Variants in PRKG1 observed in about 807,000 individuals in gnomAD.
PRKG1 encodes the protein cGMP-dependent protein kinase 1.
A neutral mutation model predicts 88.1 loss-of-function variants in PRKG1; 35 were observed. The observed-to-expected ratio is 0.40, with a 90% CI of 0.30 to 0.53. The LOEUF is 0.53. Among genes scored for constraint, PRKG1 ranks in the 20% least tolerant of loss-of-function variants. The pLI is 0.59. For synonymous variants in PRKG1, 303 were observed against 292.5 expected, an observed-to-expected ratio of 1.04 and a Z score of -0.37; for missense variants, 540 against 839.8, an observed-to-expected ratio of 0.64 and a Z score of 4.41.
intron 3 of PRKG1, among the ~76,000 whole-genome samples, chr10:51,782,000 T>C (rs1392324741): frequency 6.6e-6 from 1 of 151,812 alleles, no homozygotes; most frequent in Non-Finnish European, 1.5e-5. Context: ...TATCGAAATC[T>C]GAAGGGGCAA....
At chr10:51,538,442 GTATTA>G (rs1017972335) in intron 3 of PRKG1, among the ~76,000 whole-genome samples, 3 of 69,994 alleles carry the variant, frequency 4.3e-5, no homozygotes, top group African/African-American at 9.1e-5. Context: ...ATATAATAAT[GTATTA>G]TATATTATAT....
At chr10:52,099,291 A>G (rs1847243091) in intron 7 of PRKG1, among the ~76,000 whole-genome samples, 1 of 152,214 alleles carries the variant, frequency 6.6e-6, no homozygotes, top group Admixed American at 6.5e-5. Context: ...GAACATTTAA[A>G]AAAACGCTTA....
intron 3 of PRKG1, among the ~76,000 whole-genome samples, chr10:51,574,258 AC>A (rs1247853005): frequency 2.0e-5 from 3 of 151,900 alleles, no homozygotes; most frequent in Admixed American, 6.6e-5. Context: ...TTTTTTCATC[AC>A]TGAAAGGAGA....
intron 1 of PRKG1, among the ~76,000 whole-genome samples, chr10:51,103,234 A>C (rs1290731478): frequency 6.6e-6 from 1 of 152,136 alleles, no homozygotes; most frequent in Non-Finnish European, 1.5e-5. Flanking sequence ...ATCCAAGAAA[A>C]CTTCCCAGAA....
At chr10:51,299,790 T>C (rs1441553206) in intron 2 of PRKG1, 4 of 330,356 alleles carry the variant, frequency 1.2e-5, no homozygotes, top group Non-Finnish European at 2.3e-5. Flanking sequence ...TGCTCTGCAA[T>C]AATAGAAATT....
At chr10:51,954,387 G>A (rs1182565393) in intron 5 of PRKG1, among the ~76,000 whole-genome samples, 1 of 151,986 alleles carries the variant, frequency 6.6e-6, no homozygotes, top group Non-Finnish European at 1.5e-5. Context: ...GACCAACATT[G>A]CAAGGATTAT....
intron 2 of PRKG1, among the ~76,000 whole-genome samples, chr10:51,434,253 T>C (rs887882399): frequency 2.0e-5 from 3 of 152,078 alleles, no homozygotes; most frequent in African/African-American, 7.2e-5. Context: ...CTTTAATCTC[T>C]CTGCTGCCCA....
chr10:52,067,851 C>T (rs949861951), intron 7 of PRKG1, among the ~76,000 whole-genome samples: 8 of 152,018 alleles, frequency 5.3e-5, no homozygotes, highest in Non-Finnish European at 1.0e-4. Context: ...AATCACTTCA[C>T]GTTTAGTTCA....
At chr10:51,851,804 T>G (rs1228574315) in intron 4 of PRKG1, among the ~76,000 whole-genome samples, 1 of 152,158 alleles carries the variant, frequency 6.6e-6, no homozygotes, top group Non-Finnish European at 1.5e-5. Flanking sequence ...CACGTACATT[T>G]TGCTACACAG....
rs924789664 is a variant in PRKG1 at position 51,742,429 on chromosome 10, T to C, written c.593-62156T>C. Among the ~76,000 whole-genome samples the C allele has an allele frequency of 7.9e-5, 12 of 152,166 alleles. No individual in the cohort carries two copies. In the East Asian group the frequency reaches 2.3e-3, roughly 29 times the overall value. On this transcript the variant is annotated intron_variant, in intron 3 of 17. Transcript: ENST00000373980. ...GCTTAATAGCCGTGAGATAAGAACA[T>C]GAGTTAAGACACTTGTTGAGAGACT... is the stretch of plus-strand genomic sequence containing the variant.
intron 8 of PRKG1, among the ~76,000 whole-genome samples, chr10:52,155,014 C>A (rs1411562741): frequency 6.6e-6 from 1 of 151,990 alleles, no homozygotes; most frequent in East Asian, 1.9e-4. Context: ...TGTATATATA[C>A]CACATTTTCT....
rs182696645 is a variant in PRKG1 at position 52,125,330 on chromosome 10, A to G, written c.936-8510A>G. Among the ~76,000 whole-genome samples the G allele has an allele frequency of 1.9e-3, 288 of 152,268 alleles. 2 individuals carry two copies. The highest frequency in any genetic ancestry group is 6.7e-3 in the African/African-American group (277 of 41,560). On this transcript the variant is annotated intron_variant, in intron 7 of 17. Coordinates refer to ENST00000373980, the MANE Select transcript of PRKG1 (RefSeq NM_006258.4). Reference sequence around the variant, plus strand: ...GTGCATGACTATGCATGCTTCCTGTAACACATTTCTCCTGACTGTTTATCT... The same window carrying G: ...GTGCATGACTATGCATGCTTCCTGTGACACATTTCTCCTGACTGTTTATCT...
intron 3 of PRKG1, among the ~76,000 whole-genome samples, chr10:51,594,933 AT>A (rs770593351): frequency 6.6e-5 from 10 of 152,218 alleles, no homozygotes; most frequent in Non-Finnish European, 1.2e-4. Flanking sequence ...TAGAAAAAAA[AT>A]AAATGTTAAG....
At chr10:51,199,908 A>G (rs1336513025) in intron 2 of PRKG1, among the ~76,000 whole-genome samples, 2 of 152,142 alleles carry the variant, frequency 1.3e-5, no homozygotes, top group Non-Finnish European at 2.9e-5. Context: ...CCTTTCCTAA[A>G]TGAACACTCC....
chr10:51,276,339 C>T (rs563572175), intron 2 of PRKG1, among the ~76,000 whole-genome samples: 65 of 152,214 alleles, frequency 4.3e-4, no homozygotes, highest in African/African-American at 1.4e-3. Context: ...GTATATGTGC[C>T]GCATTTTCTT....
At chr10:51,803,433 A>G (rs1839225715) in intron 3 of PRKG1, among the ~76,000 whole-genome samples, 2 of 152,154 alleles carry the variant, frequency 1.3e-5, no homozygotes. Context: ...ACTCTGGAGT[A>G]CAATATTCAT....
intron 5 of PRKG1, among the ~76,000 whole-genome samples, chr10:52,042,847 C>G (rs1306342196): frequency 6.6e-6 from 1 of 151,958 alleles, no homozygotes; most frequent in African/African-American, 2.4e-5. Flanking sequence ...AATGTCTGGT[C>G]TATGTAAGAA....
intron 4 of PRKG1, among the ~76,000 whole-genome samples, chr10:51,819,124 A>G (rs376699556): frequency 6.6e-6 from 1 of 151,314 alleles, no homozygotes; most frequent in African/African-American, 2.4e-5. Context: ...GAAGCATGAT[A>G]CCTGCATCTG....
chr10:52,276,619 C>A (rs770748445), intron 12 of PRKG1, among the ~76,000 whole-genome samples: 7 of 152,102 alleles, frequency 4.6e-5, no homozygotes, highest in Non-Finnish European at 1.0e-4. Context: ...GCATAAGGGC[C>A]TTATCTCTCA....
Sources: allele counts gnomAD v4.1 joint callset (sites outside exome capture counted in the v4.1 genomes callset), GRCh38; gene constraint gnomAD v4.1.1; transcripts MANE v1.5; gene names NCBI Gene and HGNC (gene_info 2026-07-23, HGNC 2026-07-21).